The following PRPSAP2 variants were observed in gnomAD, a reference collection of about 807,000 sequenced individuals.
PRPSAP2 encodes phosphoribosyl pyrophosphate synthase-associated protein 2.
PRPSAP2 carries 24 observed loss-of-function variants against 40.6 expected under a neutral mutation model. The ratio of observed to expected loss-of-function variants is 0.59; its 90% CI spans 0.43 to 0.83. The LOEUF (loss-of-function observed/expected upper bound fraction) is 0.83. Among genes scored for constraint, PRPSAP2 ranks in the 40% least tolerant of loss-of-function variants. The pLI is 0.00. For missense variants in PRPSAP2, 292 were observed against 465.6 expected, an observed-to-expected ratio of 0.63 and a Z score of 3.43; for synonymous variants, 149 against 164.7, an observed-to-expected ratio of 0.90 and a Z score of 0.73.
At chr17:18,926,888 A>G (rs912272502) in intron 10 of PRPSAP2, among the ~76,000 whole-genome samples, 3 of 152,086 alleles carry the variant, frequency 2.0e-5, no homozygotes, top group East Asian at 1.9e-4. Flanking sequence ...CTTCACTGCA[A>G]GGCACCCTCA....
At chr17:18,891,176 T>C (rs537084754) in intron 8 of PRPSAP2, among the ~76,000 whole-genome samples, 4 of 152,326 alleles carry the variant, frequency 2.6e-5, no homozygotes, top group South Asian at 2.1e-4. Context: ...GCCTCCACCC[T>C]GGGCTCGTGG....
intron 9 of PRPSAP2, among the ~76,000 whole-genome samples, chr17:18,914,099 G>C (rs1051742639): frequency 1.1e-4 from 16 of 151,418 alleles, no homozygotes; most frequent in African/African-American, 4.9e-5. Context: ...ACTTGAACCA[G>C]GGAGTTGGAG....
intron 7 of PRPSAP2, among the ~76,000 whole-genome samples, chr17:18,886,328 G>T (rs1250599914): frequency 2.6e-5 from 4 of 151,854 alleles, no homozygotes; most frequent in Admixed American, 1.3e-4. Context: ...GTACTAGGAT[G>T]CTCGTTGCCT....
chr17:18,908,710 C>T, intron 8 of PRPSAP2: 1 of 725,136 alleles, frequency 1.4e-6, no homozygotes. Context: ...TGAGAATGCA[C>T]AGAAATTCAA....
At position 18,863,292 on chromosome 17, in the gene PRPSAP2, T is replaced by C. The variant is rs113450432; in HGVS notation, c.-128-2177T>C. On this transcript the variant is annotated intron_variant, in intron 1 of 11. Transcript: ENST00000268835. ...TTTTTGTAGAGACTAGGTCTCACTATGTAGCCGAGGCTGGTCTCAAACTCT... is the reference window on the plus strand; with the variant it reads ...TTTTTGTAGAGACTAGGTCTCACTACGTAGCCGAGGCTGGTCTCAAACTCT... Among the ~76,000 whole-genome samples, 113 of 152,132 alleles carry C rather than the reference T, an allele frequency of 7.4e-4. 1 individual carries two copies. Among genetic ancestry groups the C allele is most frequent in the African/African-American group, 2.6e-3 (109 of 41,510 alleles).
At chr17:18,872,558 CTCT>C in intron 4 of PRPSAP2, 22 bp from the exon 5 acceptor site, 4 of 1,534,650 alleles carry the variant, frequency 2.6e-6, no homozygotes, top group Non-Finnish European at 3.6e-6. Flanking sequence ...GCCTTTCCCT[CTCT>C]TCTTTTTCCT....
At chr17:18,863,052 C>T (rs2037153611) in intron 1 of PRPSAP2, among the ~76,000 whole-genome samples, 1 of 152,004 alleles carries the variant, frequency 6.6e-6, no homozygotes, top group Non-Finnish European at 1.5e-5. Context: ...GATCTCCTGA[C>T]CTCGTGATCC....
chr17:18,900,000 C>T (rs985000218), intron 8 of PRPSAP2, among the ~76,000 whole-genome samples: 4 of 152,214 alleles, frequency 2.6e-5, no homozygotes, highest in Non-Finnish European at 1.5e-5. Context: ...GATCCTTATG[C>T]CTCAGCCTCC....
intron 7 of PRPSAP2, among the ~76,000 whole-genome samples, chr17:18,885,547 T>G (rs1488405033): frequency 4.0e-5 from 6 of 151,894 alleles, no homozygotes; most frequent in African/African-American, 1.5e-4. Context: ...TACTGCAGCC[T>G]CCGCCTCCTG....
chr17:18,922,920 C>G (rs2041770286), intron 9 of PRPSAP2, among the ~76,000 whole-genome samples: 1 of 151,550 alleles, frequency 6.6e-6, no homozygotes, highest in Non-Finnish European at 1.5e-5. Flanking sequence ...GGCAGGCAAT[C>G]TGTCCACCTC....
Position 18,877,838 on chromosome 17 carries a change from C to T in PRPSAP2, c.380C>T (p.Ser127Phe). 3 of 1,612,758 alleles carry T rather than the reference C, an allele frequency of 1.9e-6. No homozygotes were observed. Among genetic ancestry groups the T allele is most frequent in the Non-Finnish European group, 2.5e-6 (3 of 1,179,572 alleles). Residue 127 changes from serine to phenylalanine, a missense_variant, in exon 6 of 12, where the codon TCT becomes TTT. By Grantham distance (155) the Ser-to-Phe change is radical. Coordinates refer to ENST00000268835, the MANE Select transcript of PRPSAP2 (RefSeq NM_002767.4). The stretch of plus-strand genomic sequence containing the variant: ...ATGAGAAAAAGAGGCTCCATTGTCT[C>T]TAAATTGCTGGCTTCCATGATGTGC... ...CKMRKRGSIV[S>F]KLLASMMCKA...
intron 8 of PRPSAP2, among the ~76,000 whole-genome samples, chr17:18,906,086 T>A (rs2040566747): frequency 1.3e-5 from 2 of 152,238 alleles, no homozygotes; most frequent in Non-Finnish European, 2.9e-5. Context: ...GACTTCACTG[T>A]TTTTGACCTG....
intron 4 of PRPSAP2, 71 bp downstream of exon 4, chr17:18,867,405 C>T: frequency 6.6e-7 from 1 of 1,517,278 alleles, no homozygotes; most frequent in Non-Finnish European, 9.1e-7. Flanking sequence ...GTCCTTCATC[C>T]TTTACTATTG....
intron 8 of PRPSAP2, among the ~76,000 whole-genome samples, chr17:18,896,583 T>C: frequency 6.8e-6 from 1 of 147,516 alleles, no homozygotes; most frequent in Non-Finnish European, 1.5e-5. Context: ...GATTTTCCTT[T>C]TTTTTTTTTT....
At chr17:18,914,814 T>C (rs530148784) in intron 9 of PRPSAP2, among the ~76,000 whole-genome samples, 135 of 150,242 alleles carry the variant, frequency 9.0e-4, no homozygotes, top group African/African-American at 3.2e-3. Flanking sequence ...AACCTCCAGC[T>C]CCCGGGTTCA....
chr17:18,927,277 G>A (rs1233488997), intron 10 of PRPSAP2, among the ~76,000 whole-genome samples: 1 of 152,116 alleles, frequency 6.6e-6, no homozygotes, highest in African/African-American at 2.4e-5. Flanking sequence ...TGTTGCACTG[G>A]GGAATAAGTT....
chr17:18,915,025 C>CTT (rs35684867), intron 9 of PRPSAP2, among the ~76,000 whole-genome samples: 10,367 of 130,084 alleles, frequency 0.08, 548 homozygotes, highest in Middle Eastern at 0.11. Flanking sequence ...TGCACCCGAC[C>CTT]TTTTTTTTTT....
chr17:18,888,677 A>T (rs2039328550), intron 7 of PRPSAP2, among the ~76,000 whole-genome samples: 1 of 42,580 alleles, frequency 2.3e-5, no homozygotes, highest in Admixed American at 1.8e-4. Context: ...TCCCTCCCGG[A>T]CGGGGCGGCT....
chr17:18,923,910 C>T lies in PRPSAP2; in HGVS notation c.734-4C>T. 6.2e-7 allele frequency: 1 copy of T among 1,611,040 alleles called. No individual in the cohort carries two copies. ...TTTTGGTGTGTGTGTTTTATTCCAA[C>T]CAGTGCTGATTCCTAAAGAAAAGCC... is the stretch of plus-strand genomic sequence containing the variant. On this transcript the variant is annotated splice_polypyrimidine_tract_variant and splice_region_variant and intron_variant, in intron 9 of 11. Coordinates refer to ENST00000268835, the MANE Select transcript of PRPSAP2 (RefSeq NM_002767.4).
Sources: allele counts gnomAD v4.1 joint callset (sites outside exome capture counted in the v4.1 genomes callset), GRCh38; gene constraint gnomAD v4.1.1; transcripts MANE v1.5; gene names NCBI Gene and HGNC (gene_info 2026-07-23, HGNC 2026-07-21).